CTDP1: variants seen among roughly 807,000 people sequenced by gnomAD.
The protein encoded by CTDP1 is RNA polymerase II subunit A C-terminal domain phosphatase.
In CTDP1, 47 loss-of-function variants were observed where a neutral mutation model predicts 91.8. The ratio of observed to expected loss-of-function variants is 0.51; its 90% CI spans 0.41 to 0.65. The LOEUF (loss-of-function observed/expected upper bound fraction) is 0.65, where lower values mean the gene tolerates loss of function less well. CTDP1 is among the 30% of genes least tolerant of loss of function. The pLI, the probability that CTDP1 is intolerant of heterozygous loss-of-function variation, is 0.00. For missense variants in CTDP1, 1,272 were observed against 1,373.7 expected, an observed-to-expected ratio of 0.93 and a Z score of 1.17; for synonymous variants, 656 against 598.5, an observed-to-expected ratio of 1.10 and a Z score of -1.40.
intron 10 of CTDP1, among the ~76,000 whole-genome samples, chr18:79,727,991 G>A (rs77158498): frequency 2.6e-5 from 4 of 152,150 alleles, no homozygotes; most frequent in Non-Finnish European, 5.9e-5. Context: ...ACGGAGCTGC[G>A]GTTTGAACAT....
intron 1 of CTDP1, among the ~76,000 whole-genome samples, chr18:79,694,262 CAGG>C (rs2085692806): frequency 2.4e-5 from 3 of 124,408 alleles, no homozygotes; most frequent in Non-Finnish European, 3.3e-5. Flanking sequence ...GTGGGGGCTA[CAGG>C]CACCTAGGGG....
At chr18:79,746,548 T>G (rs1169922991) in intron 12 of CTDP1, among the ~76,000 whole-genome samples, 1 of 152,216 alleles carries the variant, frequency 6.6e-6, no homozygotes, top group East Asian at 1.9e-4. Flanking sequence ...CTGCATCTCT[T>G]GGAAAAGTGA....
intron 9 of CTDP1, 40 bp from the exon 10 acceptor site, chr18:79,717,770 G>T: frequency 1.2e-6 from 2 of 1,613,616 alleles, no homozygotes; most frequent in Non-Finnish European, 1.7e-6. Context: ...CTCATCACCC[G>T]GACGCCCCGC....
intron 12 of CTDP1, among the ~76,000 whole-genome samples, chr18:79,748,226 T>C (rs1381630901): frequency 6.6e-6 from 1 of 152,212 alleles, no homozygotes; most frequent in African/African-American, 2.4e-5. Context: ...ATGACTAAAG[T>C]CCATTCATCT....
At chr18:79,678,192 A>G (rs146073514), upstream of CTDP1, 10 of 152,340 alleles carry the variant, frequency 6.6e-5, no homozygotes, top group East Asian at 1.9e-3. Flanking sequence ...GAGGAACGCG[A>G]GTTCTTTTAA....
Position 79,714,724 on chromosome 18 carries a change from G to A in CTDP1, c.1264G>A (p.Ala422Thr), listed in dbSNP as rs202046588. Reference sequence around the variant, plus strand: ...CACCAGCAGCCAAGAGCTGGCAGGCGCTCCTGAGCCCCAGGGATCCTGTGC... The same window carrying A: ...CACCAGCAGCCAAGAGCTGGCAGGCACTCCTGAGCCCCAGGGATCCTGTGC... ...APTSSQELAG[A>T]PEPQGSCAQG... is the part of the protein sequence containing the mutation. Residue 422 changes from alanine to threonine, a missense_variant, in exon 8 of 13, where the codon GCT (alanine) becomes ACT (threonine). Transcript: ENST00000613122. 29 of 1,603,742 alleles carry A rather than the reference G, an allele frequency of 1.8e-5. No individual in the cohort carries two copies. The African/African-American group carries it at 3.1e-4, about 17-fold the overall frequency.
intron 10 of CTDP1, among the ~76,000 whole-genome samples, chr18:79,721,744 G>A (rs900390378): frequency 1.3e-5 from 2 of 152,026 alleles, no homozygotes; most frequent in Admixed American, 1.3e-4. Context: ...CAGGGTGAGA[G>A]CCTGTCTCAA....
chr18:79,754,205 C>A lies in CTDP1; in HGVS notation c.*415C>A. The A allele has an allele frequency of 3.6e-6, 1 of 276,312 alleles. No homozygotes were observed. The highest frequency in any genetic ancestry group is 7.1e-6 in the Non-Finnish European group (1 of 140,034). 17.1% of individuals were successfully genotyped at this position (276,312 alleles called of 1,614,324 possible). ...ACAGTGTGCGTGCACGAGCTCCGAG[C>A]CCAGCACAGACATGCCTGGAACCCC... On this transcript the variant is annotated 3_prime_UTR_variant, in exon 13 of 13. Coordinates refer to ENST00000613122, the MANE Select transcript of CTDP1 (RefSeq NM_004715.5).
At chr18:79,744,236 C>T (rs373716049) in intron 12 of CTDP1, among the ~76,000 whole-genome samples, 1 of 152,224 alleles carries the variant, frequency 6.6e-6, no homozygotes, top group Non-Finnish European at 1.5e-5. Flanking sequence ...TAAAACAGAG[C>T]CGTGCCCCGA....
chr18:79,714,844 A>T lies in CTDP1; in HGVS notation c.1384A>T (p.Ser462Cys). 1 of 1,594,080 alleles carries T rather than the reference A, an allele frequency of 6.3e-7. No homozygotes were observed. The highest frequency in any genetic ancestry group is 8.5e-7 in the Non-Finnish European group (1 of 1,171,416). ...CTTATCCAGCGACAGCGAGAGCAGC[A>T]GTGAGTCCGAGGGCACGAAGTCCTC... ...FDLSSDSESS[S>C]ESEGTKSSSS... Residue 462 changes from serine (S) to cysteine (C), a missense_variant, in exon 8 of 13, where the codon AGT becomes TGT. Ser to Cys is a moderately radical substitution (Grantham distance 112). Around this residue, in one of 3 missense-constraint regions of CTDP1, gnomAD observed 881 missense variants for 911.6 expected, o/e 0.97. Coordinates refer to ENST00000613122, the MANE Select transcript of CTDP1 (RefSeq NM_004715.5).
At chr18:79,741,057 TC>T (rs2086766755) in intron 12 of CTDP1, among the ~76,000 whole-genome samples, 1 of 139,290 alleles carries the variant, frequency 7.2e-6, no homozygotes, top group African/African-American at 2.8e-5. Context: ...GTCCCTGAGG[TC>T]CCCCGTACGG....
intron 1 of CTDP1, among the ~76,000 whole-genome samples, chr18:79,688,804 T>C (rs183750654): frequency 6.6e-6 from 1 of 152,366 alleles, no homozygotes; most frequent in African/African-American, 2.4e-5. Context: ...CCTCGCTAAG[T>C]GCTGGGATTA....
chr18:79,717,874 A>T lies in CTDP1; in HGVS notation c.2275A>T (p.Met759Leu). The change falls in exon 10 of 13, where the codon ATG becomes TTG. Residue 759 changes from methionine to leucine, a missense_variant. This residue lies in a region of CTDP1 where 881 missense variants were observed against 911.6 expected (regional missense o/e 0.97). Transcript: ENST00000613122. ...GVPPTALFHP[M>L]PVLPKAQPGP... ...GCCCCCCACCGCCTTGTTCCACCCGATGCCGGTTCTTCCCAAGGCCCAGCC... is the reference window on the plus strand; with the variant it reads ...GCCCCCCACCGCCTTGTTCCACCCGTTGCCGGTTCTTCCCAAGGCCCAGCC... The T allele has an allele frequency of 3.7e-6, 6 of 1,613,546 alleles. No homozygotes were observed. Among genetic ancestry groups the T allele is most frequent in the African/African-American group, 1.3e-5 (1 of 75,032 alleles).
intron 1 of CTDP1, among the ~76,000 whole-genome samples, chr18:79,686,289 A>G (rs1312130844): frequency 6.6e-6 from 1 of 152,218 alleles, no homozygotes; most frequent in East Asian, 1.9e-4. Context: ...ATCATCTAGT[A>G]TCTGGGTACA....
intron 12 of CTDP1, among the ~76,000 whole-genome samples, chr18:79,749,506 C>CCGAGGCCCT (rs1190203302): frequency 5.0e-4 from 76 of 151,472 alleles, no homozygotes; most frequent in South Asian, 1.7e-3. Context: ...GGTCGCGCCC[C>CCGAGGCCCT]GTGCACACGA....
At chr18:79,747,187 T>G (rs544052779) in intron 12 of CTDP1, among the ~76,000 whole-genome samples, 3 of 152,136 alleles carry the variant, frequency 2.0e-5, no homozygotes, top group African/African-American at 7.2e-5. Context: ...CTTCCCACTT[T>G]AAAGAGCCCC....
chr18:79,710,686 A>ATTTTTTTTTTTTTTTTTTT (rs11306504), intron 6 of CTDP1, among the ~76,000 whole-genome samples: 1 of 88,502 alleles, frequency 1.1e-5, no homozygotes, highest in Non-Finnish European at 2.0e-5. Flanking sequence ...TCGCCCGGCA[A>ATTTTTTTTTTTTTTTTTTT]TTTTTTTTTT....
intron 6 of CTDP1, among the ~76,000 whole-genome samples, chr18:79,710,667 C>T (rs570853564): frequency 2.7e-5 from 4 of 149,600 alleles, no homozygotes; most frequent in African/African-American, 9.8e-5. Context: ...ACTACAGGCA[C>T]CCACCACCTC....
chr18:79,684,615 T>C (rs977138383), intron 1 of CTDP1, among the ~76,000 whole-genome samples: 2 of 151,066 alleles, frequency 1.3e-5, no homozygotes, highest in African/African-American at 4.9e-5. Flanking sequence ...TTGCCTGCGT[T>C]GTTGTCACCA....
Sources: gnomAD v4.1 joint callset for allele counts (sites outside exome capture counted in the v4.1 genomes callset) on GRCh38, gnomAD v4.1.1 for gene constraint, gnomAD v4.1.1 regional missense constraint, MANE v1.5 for transcripts, NCBI Gene and HGNC (gene_info 2026-07-23, HGNC 2026-07-21) for gene names.